SUSD5: variants seen among roughly 807,000 people sequenced by gnomAD.
The protein encoded by SUSD5 is sushi domain-containing protein 5.
SUSD5 carries 33 observed loss-of-function variants against 29.5 expected under a neutral mutation model. That is an observed-to-expected ratio of 1.12 (90% CI 0.85 to 1.49). SUSD5 has a LOEUF of 1.49. Ranked by LOEUF, SUSD5 falls within the 40% of genes most tolerant of loss-of-function variation. SUSD5 has a pLI of 0.00. For missense variants in SUSD5, 776 were observed against 800.6 expected, an observed-to-expected ratio of 0.97 and a Z score of 0.37; for synonymous variants, 308 against 325.3, an observed-to-expected ratio of 0.95 and a Z score of 0.57.
Position 33,151,683 on chromosome 3 carries a change from G to A in SUSD5, c.*1059C>T, listed in dbSNP as rs899394962. On this transcript the variant is annotated 3_prime_UTR_variant, in exon 5 of 5. Transcript: ENST00000309558. ...ACATTCCTAGGCACAGACTGGTCAA[G>A]GACAACTAGGCCACTGCTTCTGAGA... 3 of 152,128 alleles carry A rather than the reference G, an allele frequency of 2.0e-5. No homozygotes were observed. The highest frequency in any genetic ancestry group is 4.4e-5 in the Non-Finnish European group (3 of 68,044). 9.4% of individuals were successfully genotyped at this position (152,128 alleles called of 1,614,324 possible). A position where few individuals can be genotyped will look rare whatever the true frequency, so the allele number is the denominator to read the frequency against.
At chr3:33,213,432 C>A (rs2125634253) in intron 2 of SUSD5, among the ~76,000 whole-genome samples, 1 of 152,140 alleles carries the variant, frequency 6.6e-6, no homozygotes, top group South Asian at 2.1e-4. Flanking sequence ...TTCAACATAA[C>A]AAAGTAAGGG....
chr3:33,184,320 G>C (rs1043943714), intron 3 of SUSD5, among the ~76,000 whole-genome samples: 5 of 152,042 alleles, frequency 3.3e-5, no homozygotes, highest in Non-Finnish European at 5.9e-5. Context: ...AGATAAGGTA[G>C]GGTTTTTTCC....
chr3:33,164,775 A>G (rs1312907476), intron 4 of SUSD5, among the ~76,000 whole-genome samples: 1 of 152,228 alleles, frequency 6.6e-6, no homozygotes, highest in Non-Finnish European at 1.5e-5. Flanking sequence ...GGTGCTTAAC[A>G]TCATTAATCA....
At chr3:33,156,396 A>T (rs2031053827) in intron 4 of SUSD5, among the ~76,000 whole-genome samples, 1 of 152,150 alleles carries the variant, frequency 6.6e-6, no homozygotes, top group African/African-American at 2.4e-5. Context: ...AAGTCATGAG[A>T]TGATGCTGTA....
chr3:33,153,482 T>A lies in SUSD5; in HGVS notation c.1150A>T (p.Thr384Ser). 1.9e-6 allele frequency: 3 copies of A among 1,614,084 alleles called. No homozygotes were observed. The South Asian group carries it at 3.3e-5, about 18-fold the overall frequency. ...CCATCTTCTTCCTCTTCTGCCTCTG[T>A]CTTCCTCCAAGCCCCCTCTGTCACA... is the stretch of plus-strand genomic sequence containing the variant. ...YPVTEGAWRK[T>S]EAEEEEDGDR... Residue 384 changes from threonine to serine, a missense_variant, in exon 5 of 5, where the codon ACA becomes TCA. Coordinates refer to ENST00000309558, the MANE Select transcript of SUSD5 (RefSeq NM_015551.2).
intron 3 of SUSD5, among the ~76,000 whole-genome samples, chr3:33,185,695 G>A (rs1247130385): frequency 1.3e-5 from 2 of 152,166 alleles, no homozygotes; most frequent in Non-Finnish European, 2.9e-5. Context: ...CTGACATGCT[G>A]GGCCAGAAAC....
chr3:33,212,963 C>T (rs1371879657), intron 2 of SUSD5, among the ~76,000 whole-genome samples: 1 of 151,796 alleles, frequency 6.6e-6, no homozygotes. Context: ...AGATGAGTAT[C>T]CACAGAAAAA....
intron 4 of SUSD5, among the ~76,000 whole-genome samples, chr3:33,164,193 T>C (rs2031256177): frequency 6.6e-6 from 1 of 151,868 alleles, no homozygotes; most frequent in African/African-American, 2.4e-5. Flanking sequence ...AAAAGATATA[T>C]AGATATAGAT....
chr3:33,171,236 A>G (rs2031420036), intron 4 of SUSD5, among the ~76,000 whole-genome samples: 1 of 152,104 alleles, frequency 6.6e-6, no homozygotes, highest in Non-Finnish European at 1.5e-5. Context: ...AATCCCAGCT[A>G]TTCGGGAGGC....
intron 1 of SUSD5, among the ~76,000 whole-genome samples, chr3:33,216,781 T>C (rs2032434805): frequency 6.6e-6 from 1 of 152,174 alleles, no homozygotes; most frequent in Admixed American, 6.5e-5. Flanking sequence ...AGCACACAAA[T>C]AACTAAATGT....
chr3:33,183,469 G>A (rs184420653), intron 3 of SUSD5, among the ~76,000 whole-genome samples: 1 of 151,708 alleles, frequency 6.6e-6, no homozygotes, highest in Non-Finnish European at 1.5e-5. Flanking sequence ...ACATTTACAA[G>A]TCCAACTCCA....
At chr3:33,160,255 A>G (rs2031153815) in intron 4 of SUSD5, among the ~76,000 whole-genome samples, 1 of 152,170 alleles carries the variant, frequency 6.6e-6, no homozygotes. Context: ...GATTACAGGC[A>G]TGAGTCACCA....
intron 3 of SUSD5, among the ~76,000 whole-genome samples, chr3:33,205,341 CT>C: frequency 6.6e-6 from 1 of 152,168 alleles, no homozygotes; most frequent in Non-Finnish European, 1.5e-5. Context: ...GTTGCTTAGC[CT>C]TTTTTATTCT....
intron 1 of SUSD5, among the ~76,000 whole-genome samples, chr3:33,215,533 T>C (rs909460358): frequency 2.0e-5 from 3 of 152,336 alleles, no homozygotes; most frequent in African/African-American, 7.2e-5. Flanking sequence ...CAAATACTCA[T>C]TAAATTAATT....
intron 3 of SUSD5, among the ~76,000 whole-genome samples, chr3:33,195,744 G>GGA (rs1553622173): frequency 2.2e-5 from 3 of 139,434 alleles, no homozygotes; most frequent in East Asian, 4.1e-4. Context: ...CCATATAAAT[G>GGA]AAAAAAAAAA....
At chr3:33,158,079 A>G (rs2031094336) in intron 4 of SUSD5, among the ~76,000 whole-genome samples, 1 of 152,246 alleles carries the variant, frequency 6.6e-6, no homozygotes, top group African/African-American at 2.4e-5. Context: ...GTGAAAGAAT[A>G]AATGGTTCTG....
intron 3 of SUSD5, among the ~76,000 whole-genome samples, chr3:33,203,654 G>A (rs553033052): frequency 5.3e-5 from 8 of 152,308 alleles, no homozygotes; most frequent in South Asian, 4.1e-4. Flanking sequence ...CTCAGCTCAC[G>A]CATGGGCATG....
rs867543430 is a variant in SUSD5, at chr3:33,152,457, G to A, written c.*285C>T. 4 of 382,872 alleles carry A rather than the reference G, an allele frequency of 1.0e-5. No homozygotes were observed. The highest frequency in any genetic ancestry group is 5.9e-5 in the South Asian group (1 of 17,072). 23.7% of individuals were successfully genotyped at this position (382,872 alleles called of 1,614,324 possible). On this transcript the variant is annotated 3_prime_UTR_variant, in exon 5 of 5. Transcript: ENST00000309558. ...ATAATACTGTGATGAAGGAAGAGGC[G>A]ATTTTTGACCTCACACTGGAAACAG... is the stretch of plus-strand genomic sequence containing the variant.
chr3:33,191,377 G>A (rs1030309209), intron 3 of SUSD5, among the ~76,000 whole-genome samples: 1 of 151,912 alleles, frequency 6.6e-6, no homozygotes, highest in Non-Finnish European at 1.5e-5. Flanking sequence ...TGATCCACCC[G>A]CCTCGGCCTC....
Sources: gnomAD v4.1 joint callset for allele counts (sites outside exome capture counted in the v4.1 genomes callset) on GRCh38, gnomAD v4.1.1 for gene constraint, MANE v1.5 for transcripts, NCBI Gene and HGNC (gene_info 2026-07-23, HGNC 2026-07-21) for gene names.